Variants in KANSL1L observed in about 807,000 individuals in gnomAD.
KANSL1L encodes the protein KAT8 regulatory NSL complex subunit 1-like protein.
KANSL1L carries 25 observed loss-of-function variants against 108.6 expected under a neutral mutation model. The observed-to-expected ratio is 0.23, with a 90% CI of 0.17 to 0.32. The LOEUF (loss-of-function observed/expected upper bound fraction) is 0.32, where lower values mean the gene tolerates loss of function less well. Among genes scored for constraint, KANSL1L ranks in the 10% least tolerant of loss-of-function variants. The pLI, the probability that KANSL1L is intolerant of heterozygous loss-of-function variation, is 1.00. For synonymous variants in KANSL1L, 405 were observed against 395.1 expected, an observed-to-expected ratio of 1.03 and a Z score of -0.30; for missense variants, 1,137 against 1,125.7, an observed-to-expected ratio of 1.01 and a Z score of -0.14.
chr2:210,168,855 G>A (rs1688153108), intron 1 of KANSL1L, among the ~76,000 whole-genome samples: 2 of 152,062 alleles, frequency 1.3e-5, no homozygotes, highest in Admixed American at 1.3e-4. Flanking sequence ...AGATAAAAAA[G>A]ATAAATATTA....
chr2:210,058,312 G>A (rs1226990917), intron 6 of KANSL1L, among the ~76,000 whole-genome samples: 4 of 152,252 alleles, frequency 2.6e-5, no homozygotes, highest in Middle Eastern at 3.4e-3. Context: ...ATTTTGGTCC[G>A]ACTGGTTGTC....
At chr2:210,093,754 A>G (rs2094712471) in intron 5 of KANSL1L, among the ~76,000 whole-genome samples, 1 of 152,202 alleles carries the variant, frequency 6.6e-6, no homozygotes, top group Admixed American at 6.5e-5. Context: ...AATTAAAAGC[A>G]GGGACTCAAA....
intron 1 of KANSL1L, among the ~76,000 whole-genome samples, chr2:210,155,862 CAT>C (rs1179536423): frequency 6.6e-6 from 1 of 152,196 alleles, no homozygotes; most frequent in African/African-American, 2.4e-5. Flanking sequence ...GGCACACTCT[CAT>C]AGTGTATGTC....
At chr2:210,035,388 A>G (rs2094087363) in intron 8 of KANSL1L, 1 of 152,216 alleles carries the variant, frequency 6.6e-6, no homozygotes, top group African/African-American at 2.4e-5. Context: ...GCCAAATCTA[A>G]TGGACCATAC....
At chr2:210,140,784 G>T (rs2095220731) in intron 2 of KANSL1L, among the ~76,000 whole-genome samples, 1 of 152,082 alleles carries the variant, frequency 6.6e-6, no homozygotes, top group Non-Finnish European at 1.5e-5. Context: ...GTGAACACAG[G>T]ATGTTTTTCC....
chr2:210,135,715 C>T (rs528327844), intron 2 of KANSL1L, among the ~76,000 whole-genome samples: 1 of 152,144 alleles, frequency 6.6e-6, no homozygotes, highest in African/African-American at 2.4e-5. Flanking sequence ...AATTCTTGAC[C>T]GTTAAATGAG....
rs1575397877 is a variant in KANSL1L at position 210,040,437 on chromosome 2, A to T, written c.2012T>A (p.Ile671Asn). The change falls in exon 8 of 15, where the codon ATC (isoleucine) becomes AAC (asparagine). Residue 671 changes from isoleucine to asparagine, a missense_variant. By Grantham distance (149) the Ile-to-Asn change is moderately radical (BLOSUM62 -3). This residue lies in a region of KANSL1L where 575 missense variants were observed against 567.1 expected (regional missense o/e 1.01). Coordinates refer to ENST00000281772, the MANE Select transcript of KANSL1L (RefSeq NM_152519.4). Reference sequence around the variant, plus strand: ...TGACATACCAGGTGATGGAGATATGATATATTCATCTACAAATTTATTTTC... The same window carrying T: ...TGACATACCAGGTGATGGAGATATGTTATATTCATCTACAAATTTATTTTC... ...LAENKFVDEY[I>N]ISPSPVHSTL... 15 of 1,454,348 alleles carry T rather than the reference A, an allele frequency of 1.0e-5. No homozygotes were observed. The East Asian group carries it at 3.0e-4, about 29-fold the overall frequency. 90.1% of individuals were successfully genotyped at this position (1,454,348 alleles called of 1,614,324 possible). A position where few individuals can be genotyped will look rare whatever the true frequency, so the allele number is the denominator to read the frequency against.
chr2:210,126,776 C>T (rs1482211047), intron 3 of KANSL1L, among the ~76,000 whole-genome samples: 1 of 152,144 alleles, frequency 6.6e-6, no homozygotes, highest in Non-Finnish European at 1.5e-5. Flanking sequence ...TGATATCGTG[C>T]CATTGCACTC....
intron 1 of KANSL1L, among the ~76,000 whole-genome samples, chr2:210,167,661 G>A (rs1352010363): frequency 1.3e-5 from 2 of 151,466 alleles, no homozygotes; most frequent in Admixed American, 6.6e-5. Context: ...GAATTGTCTT[G>A]GACTGGAAAC....
chr2:210,117,989 C>T (rs1007040652), intron 3 of KANSL1L, among the ~76,000 whole-genome samples: 1 of 151,440 alleles, frequency 6.6e-6, no homozygotes, highest in Admixed American at 6.6e-5. Context: ...CATGGAGAAA[C>T]CCCGTCTCTA....
At chr2:210,144,350 A>G (rs554907831) in intron 2 of KANSL1L, among the ~76,000 whole-genome samples, 1 of 152,096 alleles carries the variant, frequency 6.6e-6, no homozygotes, top group African/African-American at 2.4e-5. Context: ...CGATGTGACT[A>G]TCTCTCCCCA....
At position 210,024,055 on chromosome 2, in the gene KANSL1L, AAAG is replaced by A. The variant is rs1232888785; in HGVS notation, c.2708_2710del (p.Ser903del). The A allele has an allele frequency of 6.3e-7, 1 of 1,579,558 alleles. No homozygotes were observed. The highest frequency in any genetic ancestry group is 1.9e-5 in the Admixed American group (1 of 53,664). On this transcript the variant is annotated inframe_deletion, in exon 14 of 15. Coordinates refer to ENST00000281772, the MANE Select transcript of KANSL1L (RefSeq NM_152519.4). Reference sequence around the variant, plus strand: ...TACCTTGGTTTCTTGACTTTGATTTAAAGAAGGTAAGCCATATGCACACAGATC... The same window carrying A: ...TACCTTGGTTTCTTGACTTTGATTTAAAGGTAAGCCATATGCACACAGATC...
At position 210,041,080 on chromosome 2, in the gene KANSL1L, G is replaced by T. The variant is rs564955507; in HGVS notation, c.1922-553C>A. Among the ~76,000 whole-genome samples, 6 of 152,228 alleles carry T rather than the reference G, an allele frequency of 3.9e-5. No homozygotes were observed. The East Asian group carries it at 1.2e-3, about 29-fold the overall frequency. ...AATTTACCATATTATATATCACAATGAATATACTTTTATAAAGATTAAAAC... is the reference window on the plus strand; with the variant it reads ...AATTTACCATATTATATATCACAATTAATATACTTTTATAAAGATTAAAAC... On this transcript the variant is annotated intron_variant, in intron 7 of 14. Transcript: ENST00000281772.
intron 10 of KANSL1L, 38 bp from the exon 11 acceptor site, chr2:210,029,007 T>G (rs370810050): frequency 4.9e-5 from 75 of 1,529,894 alleles, no homozygotes; most frequent in Non-Finnish European, 6.4e-5. Context: ...CAGTACTGTC[T>G]AGTTACTTGT....
Position 210,154,140 on chromosome 2 carries a change from T to A in KANSL1L, c.443A>T (p.Asp148Val). ...LSDTTSQCMKDVQIILDSNIT... is the reference protein window; with the variant it reads ...LSDTTSQCMKVVQIILDSNIT... ...ATTTGAATCCAGAATAATTTGTACA[T>A]CTTTCATGCACTGGCTCGTGGTATC... Residue 148 changes from aspartate (D) to valine (V), a missense_variant, in exon 2 of 15, where the codon GAT (aspartate) becomes GTT (valine). Transcript: ENST00000281772. 1 of 1,614,128 alleles carries A rather than the reference T, an allele frequency of 6.2e-7. No homozygotes were observed. Among genetic ancestry groups the A allele is most frequent in the African/African-American group, 1.3e-5 (1 of 75,066 alleles).
Position 210,023,198 on chromosome 2 carries a change from T to C in KANSL1L, c.2734-19A>G. On this transcript the variant is annotated intron_variant, in intron 14 of 14. Coordinates refer to ENST00000281772, the MANE Select transcript of KANSL1L (RefSeq NM_152519.4). Reference sequence around the variant, plus strand: ...ACAAAGACTGAAAGGGGAAAAATTTTCAGTTAAGTTTCAACTAACTTGTTT... The same window carrying C: ...ACAAAGACTGAAAGGGGAAAAATTTCCAGTTAAGTTTCAACTAACTTGTTT... 6.3e-7 allele frequency: 1 copy of C among 1,583,218 alleles called. No homozygotes were observed. Among genetic ancestry groups the C allele is most frequent in the Non-Finnish European group, 8.7e-7 (1 of 1,152,416 alleles).
At chr2:210,037,430 A>G (rs775099003) in intron 8 of KANSL1L, among the ~76,000 whole-genome samples, 2 of 152,188 alleles carry the variant, frequency 1.3e-5, no homozygotes, top group African/African-American at 4.8e-5. Flanking sequence ...ACAAATTCCA[A>G]CAAGTGAAAT....
chr2:210,171,567 C>G (rs1023461205), upstream of KANSL1L: 2 of 152,556 alleles, frequency 1.3e-5, no homozygotes, highest in Admixed American at 6.5e-5. Context: ...TCCCTTAACT[C>G]TGGTGCAGGG....
At chr2:210,157,383 G>A (rs770087547) in intron 1 of KANSL1L, among the ~76,000 whole-genome samples, 5 of 152,170 alleles carry the variant, frequency 3.3e-5, no homozygotes, top group Non-Finnish European at 5.9e-5. Flanking sequence ...ATAAAGATAC[G>A]GAAAAGCTAA....
Sources: allele counts gnomAD v4.1 joint callset (sites outside exome capture counted in the v4.1 genomes callset), GRCh38; gene constraint gnomAD v4.1.1; regional missense constraint gnomAD v4.1.1; transcripts MANE v1.5; gene names NCBI Gene and HGNC (gene_info 2026-07-23, HGNC 2026-07-21).